The following SUSD1 variants were observed in gnomAD, a reference collection of about 807,000 sequenced individuals.
The protein encoded by SUSD1 is sushi domain-containing protein 1.
A neutral mutation model predicts 86.9 loss-of-function variants in SUSD1; 65 were observed. The observed-to-expected ratio is 0.75, with a 90% CI of 0.61 to 0.92. The LOEUF (loss-of-function observed/expected upper bound fraction) is 0.92, where lower values mean the gene tolerates loss of function less well. SUSD1 is among the 40% of genes least tolerant of loss of function. SUSD1 has a pLI of 0.00. For synonymous variants in SUSD1, 346 were observed against 350.0 expected, an observed-to-expected ratio of 0.99 and a Z score of 0.13; for missense variants, 850 against 929.7, an observed-to-expected ratio of 0.91 and a Z score of 1.11.
intron 15 of SUSD1, among the ~76,000 whole-genome samples, chr9:112,045,418 G>A (rs1827913991): frequency 6.6e-6 from 1 of 152,190 alleles, no homozygotes; most frequent in Non-Finnish European, 1.5e-5. Context: ...TTGTTAATGA[G>A]TTGATATCAA....
chr9:112,103,707 G>A (rs549184312), intron 8 of SUSD1, among the ~76,000 whole-genome samples: 43 of 152,308 alleles, frequency 2.8e-4, no homozygotes, highest in African/African-American at 7.0e-4. Context: ...AAGAAGGGTC[G>A]GTTGCCATAC....
rs200916135 is a variant in SUSD1, at chr9:112,165,816, AAAAG to A, written c.104-8207_104-8204del. The stretch of plus-strand genomic sequence containing the variant: ...GGAAAGAGAGAAAGAGAGAGAGAGA[AAAAG>A]AAAGAAAGAAAGAGAAAGAAAGAAA... On this transcript the variant is annotated intron_variant, in intron 1 of 16. Coordinates refer to ENST00000374270, the MANE Select transcript of SUSD1 (RefSeq NM_022486.5). Among the ~76,000 whole-genome samples the A allele has an allele frequency of 1.8e-3, 264 of 148,958 alleles. 3 individuals are homozygous for A. The South Asian group carries it at 0.028, about 16-fold the overall frequency.
chr9:112,136,394 C>T (rs1394869843), intron 5 of SUSD1, among the ~76,000 whole-genome samples: 1 of 152,058 alleles, frequency 6.6e-6, no homozygotes, highest in Non-Finnish European at 1.5e-5. Context: ...CCATCATGCC[C>T]AGACAATGTT....
intron 2 of SUSD1, 64 bp from the exon 3 acceptor site, chr9:112,149,463 C>T (rs1445377736): frequency 2.5e-6 from 4 of 1,577,734 alleles, no homozygotes; most frequent in Non-Finnish European, 3.5e-6. Flanking sequence ...ACAGCCCAGA[C>T]TGTCCTCCCA....
chr9:112,068,345 C>G (rs1589604945), intron 12 of SUSD1, among the ~76,000 whole-genome samples: 2 of 151,994 alleles, frequency 1.3e-5, no homozygotes, highest in East Asian at 3.9e-4. Flanking sequence ...AGTAGGTGGT[C>G]AAGTTAGAGG....
intron 10 of SUSD1, among the ~76,000 whole-genome samples, chr9:112,086,980 T>TATATACATATATAAAATATACATATATA (rs1830012718): frequency 3.3e-5 from 5 of 149,500 alleles, no homozygotes; most frequent in South Asian, 2.1e-4. Context: ...ATTTTATATA[T>TATATACATATATAAAATATACATATATA]ATATACATAT....
At chr9:112,159,452 CTAAG>C (rs2131827710) in intron 1 of SUSD1, among the ~76,000 whole-genome samples, 1 of 152,286 alleles carries the variant, frequency 6.6e-6, no homozygotes, top group East Asian at 1.9e-4. Flanking sequence ...CTAATCATCA[CTAAG>C]TAATGCCAAA....
At chr9:112,138,434 A>G (rs1437062891) in intron 5 of SUSD1, among the ~76,000 whole-genome samples, 1 of 148,876 alleles carries the variant, frequency 6.7e-6, no homozygotes, top group Non-Finnish European at 1.5e-5. Flanking sequence ...GAAACATACT[A>G]TTAGTACTTA....
chr9:112,051,325 C>A (rs374435428), intron 15 of SUSD1, among the ~76,000 whole-genome samples: 2 of 151,036 alleles, frequency 1.3e-5, no homozygotes, highest in East Asian at 3.9e-4. Flanking sequence ...ACGGACCCAG[C>A]TTTCAGTTGT....
At chr9:112,119,193 A>G (rs1831451179) in intron 6 of SUSD1, among the ~76,000 whole-genome samples, 1 of 152,226 alleles carries the variant, frequency 6.6e-6, no homozygotes, top group Admixed American at 6.5e-5. Context: ...ATGAAATGAA[A>G]TCGAGCATTA....
At position 112,077,317 on chromosome 9, in the gene SUSD1, C is replaced by T. The variant is rs146865381; in HGVS notation, c.1753+1221G>A. Among the ~76,000 whole-genome samples, 357 of 152,008 alleles carry T rather than the reference C, an allele frequency of 2.3e-3. 1 individual carries two copies. The highest frequency in any genetic ancestry group is 8.1e-3 in the African/African-American group (337 of 41,438). On this transcript the variant is annotated intron_variant, in intron 12 of 16. Coordinates refer to ENST00000374270, the MANE Select transcript of SUSD1 (RefSeq NM_022486.5). ...AGGGCTGAGCGTGGGAAGTCCTCAC[C>T]TGACTACTTCTAATTTCTCAGTGAA... is the stretch of plus-strand genomic sequence containing the variant.
Position 112,058,518 on chromosome 9 carries a change from G to A in SUSD1, c.2019C>T (p.Asp673=), listed in dbSNP as rs147995093. ...PDDAMEIPIG[D]RLYYGEYYNA... ...TATAATATTCCCCATAGTACAGCCTGTCTCCTATAGGTATCTCCATGGCAT... is the reference window on the plus strand; with the variant it reads ...TATAATATTCCCCATAGTACAGCCTATCTCCTATAGGTATCTCCATGGCAT... Residue 673 remains aspartate, a synonymous_variant, in exon 14 of 17, where the codon GAC becomes GAT. Coordinates refer to ENST00000374270, the MANE Select transcript of SUSD1 (RefSeq NM_022486.5). 6.2e-7 allele frequency: 1 copy of A among 1,614,176 alleles called. No individual in the cohort carries two copies. Among genetic ancestry groups the A allele is most frequent in the African/African-American group, 1.3e-5 (1 of 75,040 alleles).
intron 10 of SUSD1, among the ~76,000 whole-genome samples, chr9:112,080,889 A>C (rs771023365): frequency 7.4e-4 from 113 of 152,278 alleles, no homozygotes; most frequent in Non-Finnish European, 1.2e-3. Flanking sequence ...GAACTGAAAA[A>C]AGTGCTTTGA....
chr9:112,140,105 G>C (rs532773642), intron 5 of SUSD1, among the ~76,000 whole-genome samples: 1 of 82,672 alleles, frequency 1.2e-5, no homozygotes, highest in Non-Finnish European at 2.3e-5. Flanking sequence ...GCTCACGCCT[G>C]TAATCCCAGC....
chr9:112,154,237 C>A (rs1833191393), intron 2 of SUSD1, among the ~76,000 whole-genome samples: 2 of 151,632 alleles, frequency 1.3e-5, no homozygotes, highest in African/African-American at 4.9e-5. Flanking sequence ...ACCTGTAATC[C>A]CAGCACTTTG....
intron 5 of SUSD1, among the ~76,000 whole-genome samples, chr9:112,139,984 G>C (rs1474709767): frequency 6.6e-6 from 1 of 152,108 alleles, no homozygotes; most frequent in East Asian, 1.9e-4. Flanking sequence ...CCAGCACTGT[G>C]GGAGGCAGAG....
intron 8 of SUSD1, among the ~76,000 whole-genome samples, chr9:112,105,440 C>T (rs558876037): frequency 2.6e-5 from 4 of 152,136 alleles, no homozygotes; most frequent in African/African-American, 7.2e-5. Flanking sequence ...CACAGGGGAC[C>T]GGGCATAGTG....
At chr9:112,057,339 C>T (rs1170430755) in intron 14 of SUSD1, among the ~76,000 whole-genome samples, 2 of 152,186 alleles carry the variant, frequency 1.3e-5, no homozygotes, top group African/African-American at 2.4e-5. Context: ...ATACCCTCCC[C>T]AACCAAAGTC....
intron 14 of SUSD1, among the ~76,000 whole-genome samples, chr9:112,053,679 G>A (rs117113679): frequency 2.0e-5 from 3 of 152,306 alleles, no homozygotes; most frequent in East Asian, 3.9e-4. Context: ...GAGAATGGAA[G>A]GGACTTCAAA....
Sources: allele counts gnomAD v4.1 joint callset (sites outside exome capture counted in the v4.1 genomes callset), GRCh38; gene constraint gnomAD v4.1.1; transcripts MANE v1.5; gene names NCBI Gene and HGNC (gene_info 2026-07-23, HGNC 2026-07-21).